The following NDST4 variants were observed in gnomAD, a reference collection of about 807,000 sequenced individuals.
NDST4 encodes N-deacetylase and N-sulfotransferase 4.
In NDST4, 63 loss-of-function variants were observed where a neutral mutation model predicts 100.8. The observed-to-expected ratio is 0.62, with a 90% confidence interval of 0.51 to 0.77. The LOEUF (loss-of-function observed/expected upper bound fraction) is 0.77. NDST4 is among the 30% of genes least tolerant of loss of function. The pLI is 0.00. For synonymous variants in NDST4, 377 were observed against 361.8 expected (o/e 1.04, Z -0.48); for missense variants, 943 against 1,018.4 (o/e 0.93, Z 1.01).
chr4:114,831,639 T>A (rs1053995810), intron 12 of NDST4, among the ~76,000 whole-genome samples: 2 of 152,160 alleles, frequency 1.3e-5, no homozygotes, highest in African/African-American at 4.8e-5. Context: ...CTCTCCTTGT[T>A]ATCCACAGCA....
chr4:114,889,376 AG>A (rs1371303535), intron 6 of NDST4, among the ~76,000 whole-genome samples: 1 of 152,194 alleles, frequency 6.6e-6, no homozygotes, highest in Non-Finnish European at 1.5e-5. Context: ...CAAATATTAA[AG>A]AGATGTCAAA....
intron 12 of NDST4, among the ~76,000 whole-genome samples, chr4:114,831,421 A>C (rs1003188193): frequency 2.0e-5 from 3 of 152,196 alleles, no homozygotes; most frequent in African/African-American, 7.2e-5. Context: ...TAATTTCCCA[A>C]GAGGAAAAAC....
chr4:114,954,258 T>G (rs975318772), intron 4 of NDST4, among the ~76,000 whole-genome samples: 18 of 152,162 alleles, frequency 1.2e-4, no homozygotes, highest in African/African-American at 4.1e-4. Context: ...TATAATAGAT[T>G]CTTTTAAAAA....
chr4:114,880,785 G>T (rs1724350643), intron 6 of NDST4, among the ~76,000 whole-genome samples: 1 of 152,148 alleles, frequency 6.6e-6, no homozygotes, highest in Non-Finnish European at 1.5e-5. Context: ...TGGAAATTCT[G>T]TTGTTCTATA....
intron 6 of NDST4, among the ~76,000 whole-genome samples, chr4:114,919,455 C>G (rs1238588254): frequency 6.6e-6 from 1 of 152,070 alleles, no homozygotes; most frequent in African/African-American, 2.4e-5. Flanking sequence ...ATCAGGTTTC[C>G]AAATTCCTGG....
chr4:115,057,729 CACACAG>C (rs1172951116), intron 2 of NDST4, among the ~76,000 whole-genome samples: 1 of 75,928 alleles, frequency 1.3e-5, no homozygotes, highest in African/African-American at 8.8e-5. Context: ...CACACACACA[CACACAG>C]ACACACACAC....
At chr4:115,013,103 A>G (rs2126261453) in intron 2 of NDST4, among the ~76,000 whole-genome samples, 1 of 151,468 alleles carries the variant, frequency 6.6e-6, no homozygotes, top group Admixed American at 6.6e-5. Context: ...TGCTTAATAT[A>G]TGAAGATATA....
chr4:115,076,373 T>G lies in NDST4; in HGVS notation c.664A>C (p.Ile222Leu), dbSNP rs772675607. 8 of 1,613,838 alleles carry G rather than the reference T, an allele frequency of 5.0e-6. No homozygotes were observed. In the African/African-American group the frequency reaches 5.3e-5, roughly 11 times the overall value. Residue 222 changes from isoleucine to leucine, a missense_variant, in exon 2 of 14, where the codon ATT (isoleucine) becomes CTT (leucine). Transcript: ENST00000264363. ...TAGGTTGAATGATTATATTGGAAAA[T>G]AGTCCAGTCTTCCCCAGGAAGAGGG... ...KGPLPGEDWTIFQYNHSTYQP... is the reference protein window; with the variant it reads ...KGPLPGEDWTLFQYNHSTYQP...
At chr4:114,930,798 C>A (rs1004908037) in intron 6 of NDST4, among the ~76,000 whole-genome samples, 1 of 152,024 alleles carries the variant, frequency 6.6e-6, no homozygotes, top group Non-Finnish European at 1.5e-5. Flanking sequence ...GAAATAATCA[C>A]AATATTATAT....
At chr4:114,958,568 T>C (rs1726191872) in intron 4 of NDST4, among the ~76,000 whole-genome samples, 2 of 152,156 alleles carry the variant, frequency 1.3e-5, no homozygotes, top group African/African-American at 4.8e-5. Flanking sequence ...TGGCCCCTTT[T>C]AGCAATGGCT....
intron 6 of NDST4, among the ~76,000 whole-genome samples, chr4:114,898,912 G>GTT (rs1006077998): frequency 6.7e-6 from 1 of 150,358 alleles, no homozygotes; most frequent in Non-Finnish European, 1.5e-5. Context: ...TTCCAGGAGG[G>GTT]TTTTTTTTTG....
chr4:114,917,824 A>G (rs1725206204), intron 6 of NDST4, among the ~76,000 whole-genome samples: 1 of 152,206 alleles, frequency 6.6e-6, no homozygotes, highest in Admixed American at 6.5e-5. Flanking sequence ...CATCCAAAAA[A>G]TAAAAACAAT....
At chr4:114,842,090 G>T (rs72679757) in intron 10 of NDST4, among the ~76,000 whole-genome samples, 1 of 152,034 alleles carries the variant, frequency 6.6e-6, no homozygotes, top group Admixed American at 6.5e-5. Flanking sequence ...CACTCACATC[G>T]TTGGGATTTT....
chr4:114,928,782 T>C (rs1385434410), intron 6 of NDST4, among the ~76,000 whole-genome samples: 1 of 152,134 alleles, frequency 6.6e-6, no homozygotes, highest in Non-Finnish European at 1.5e-5. Context: ...AGGAATTTCC[T>C]TCTGCTTGAC....
At chr4:114,890,225 G>T (rs1724565014) in intron 6 of NDST4, among the ~76,000 whole-genome samples, 1 of 151,894 alleles carries the variant, frequency 6.6e-6, no homozygotes, top group African/African-American at 2.4e-5. Flanking sequence ...TTTTTTTGTA[G>T]ACTCCACATT....
At chr4:114,999,677 A>C (rs1486590920) in intron 2 of NDST4, among the ~76,000 whole-genome samples, 1 of 152,110 alleles carries the variant, frequency 6.6e-6, no homozygotes, top group Non-Finnish European at 1.5e-5. Flanking sequence ...TCAGAGTAGC[A>C]TTCCTTCCTT....
Position 115,033,153 on chromosome 4 carries a change from ATATATTTTT to A in NDST4, c.978+42897_978+42905del, listed in dbSNP as rs1239063819. Among the ~76,000 whole-genome samples, 90 of 75,612 alleles carry A rather than the reference ATATATTTTT, an allele frequency of 1.2e-3. 1 individual carries two copies. The highest frequency in any genetic ancestry group is 5.1e-3 in the African/African-American group (71 of 13,946). 49.6% of individuals were successfully genotyped at this position (75,612 alleles called of 152,430 possible). A position where few individuals can be genotyped will look rare whatever the true frequency, so the allele number is the denominator to read the frequency against. On this transcript the variant is annotated intron_variant, in intron 2 of 13. Coordinates refer to ENST00000264363, the MANE Select transcript of NDST4 (RefSeq NM_022569.3). ...TGTGTATATATATATATATATATAT[ATATATTTTT>A]TTTTTTTTTGAAACAGGGTCTCACT...
At chr4:115,070,889 G>A (rs1729061888) in intron 2 of NDST4, among the ~76,000 whole-genome samples, 1 of 152,100 alleles carries the variant, frequency 6.6e-6, no homozygotes, top group African/African-American at 2.4e-5. Context: ...TGAATCACTT[G>A]AAGTCAGAAG....
chr4:114,947,097 T>C (rs973765741), intron 4 of NDST4, among the ~76,000 whole-genome samples: 2 of 152,044 alleles, frequency 1.3e-5, no homozygotes, highest in Non-Finnish European at 2.9e-5. Context: ...ATGAATGAAA[T>C]AAAGACTTGT....
Sources: gnomAD v4.1 joint callset for allele counts (sites outside exome capture counted in the v4.1 genomes callset) on GRCh38, gnomAD v4.1.1 for gene constraint, MANE v1.5 for transcripts, NCBI Gene and HGNC (gene_info 2026-07-23, HGNC 2026-07-21) for gene names.